MYO5A: variants seen among roughly 807,000 people sequenced by gnomAD.
MYO5A encodes unconventional myosin-Va.
MYO5A carries 98 observed loss-of-function variants against 249.7 expected under a neutral mutation model. That is an observed-to-expected ratio of 0.39 (90% confidence interval 0.33 to 0.46). The LOEUF (loss-of-function observed/expected upper bound fraction) is 0.46, where lower values mean the gene tolerates loss of function less well. Among genes scored for constraint, MYO5A ranks in the 20% least tolerant of loss-of-function variants. The pLI is 0.98. For missense variants in MYO5A, 1,696 were observed against 2,308.8 expected (o/e 0.73, Z 5.44); for synonymous variants, 778 against 810.6 (o/e 0.96, Z 0.68).
intron 39 of MYO5A, among the ~76,000 whole-genome samples, chr15:52,318,504 A>G (rs28564655): frequency 0.048 from 7,339 of 151,486 alleles, 518 homozygotes; most frequent in African/African-American, 0.16. Flanking sequence ...ATGTTACAAT[A>G]ATGAGGTTAT....
At position 52,442,550 on chromosome 15, in the gene MYO5A, C is replaced by T. The variant is rs1462266845; in HGVS notation, c.28-9265G>A. 3.3e-5 allele frequency among the ~76,000 whole-genome samples: 5 copies of T among 152,232 alleles called. No homozygotes were observed. In the East Asian group the frequency reaches 9.7e-4, roughly 29 times the overall value. On this transcript the variant is annotated intron_variant, in intron 1 of 41. Transcript: ENST00000399233. ...GGAACCAGAGCTAACATTTATTGAGCACCTTTTGTGTGCCAGTAGAGGCCC... is the reference window on the plus strand; with the variant it reads ...GGAACCAGAGCTAACATTTATTGAGTACCTTTTGTGTGCCAGTAGAGGCCC...
chr15:52,377,762 G>T (rs1596370482), intron 18 of MYO5A, among the ~76,000 whole-genome samples: 1 of 151,828 alleles, frequency 6.6e-6, no homozygotes, highest in South Asian at 2.1e-4. Context: ...GTGGAGACAG[G>T]GTTTCACCAT....
rs761893576 is a variant in MYO5A at position 52,327,885 on chromosome 15, T to C, written c.4677A>G (p.Thr1559=). Residue 1559 remains threonine, a synonymous_variant, in exon 36 of 42, where the codon ACA becomes ACG. Transcript: ENST00000399233. ...CTTTTTTGATGCTGTTAATTGTTGA[T>C]GTTAGCAACGACCTTACTTTCTGAT... is the stretch of plus-strand genomic sequence containing the variant. The part of the protein sequence containing the change: ...NDDQKVRSLL[T]STINSIKKVL... The C allele has an allele frequency of 6.2e-7, 1 of 1,614,064 alleles. No homozygotes were observed. Among genetic ancestry groups the C allele is most frequent in the South Asian group, 1.1e-5 (1 of 91,086 alleles).
At chr15:52,442,857 G>C (rs2075812659) in intron 1 of MYO5A, among the ~76,000 whole-genome samples, 1 of 151,582 alleles carries the variant, frequency 6.6e-6, no homozygotes, top group Admixed American at 6.6e-5. Context: ...CCAGGTTCGA[G>C]CGATTCTCTT....
At chr15:52,490,600 GAAT>G (rs1438625234) in intron 1 of MYO5A, among the ~76,000 whole-genome samples, 1 of 152,216 alleles carries the variant, frequency 6.6e-6, no homozygotes, top group Admixed American at 6.5e-5. Flanking sequence ...AGAGAAAGTA[GAAT>G]AATGGTTGCC....
chr15:52,406,975 C>T (rs1479811477), intron 8 of MYO5A, among the ~76,000 whole-genome samples: 1 of 152,108 alleles, frequency 6.6e-6, no homozygotes, highest in Non-Finnish European at 1.5e-5. Flanking sequence ...ACAAGTAGCC[C>T]TCCCCTGATG....
chr15:52,347,739 C>G (rs2039714727), intron 29 of MYO5A, among the ~76,000 whole-genome samples: 1 of 152,156 alleles, frequency 6.6e-6, no homozygotes, highest in African/African-American at 2.4e-5. Flanking sequence ...ATGAAATATA[C>G]TAATAAATAG....
At chr15:52,515,066 C>T (rs1393095846) in intron 1 of MYO5A, among the ~76,000 whole-genome samples, 1 of 151,952 alleles carries the variant, frequency 6.6e-6, no homozygotes, top group African/African-American at 2.4e-5. Context: ...TCACTTGAGC[C>T]CAGGAGTTCA....
At chr15:52,396,755 CAT>C (rs2042505851) in intron 10 of MYO5A, among the ~76,000 whole-genome samples, 1 of 151,620 alleles carries the variant, frequency 6.6e-6, no homozygotes, top group Non-Finnish European at 1.5e-5. Flanking sequence ...GTGTTACACA[CAT>C]ATAGGAGGGA....
At chr15:52,482,755 T>C (rs1328503412) in intron 1 of MYO5A, among the ~76,000 whole-genome samples, 2 of 152,118 alleles carry the variant, frequency 1.3e-5, no homozygotes, top group East Asian at 1.9e-4. Context: ...GGTCCATTAG[T>C]AGAGGAGTTG....
At chr15:52,340,435 C>G (rs1392625622) in intron 31 of MYO5A, 41 bp from the exon 32 acceptor site, 22 of 1,585,660 alleles carry the variant, frequency 1.4e-5, no homozygotes, top group Non-Finnish European at 1.9e-5. Flanking sequence ...AGACGACACC[C>G]CGAGTTGCTG....
intron 12 of MYO5A, among the ~76,000 whole-genome samples, chr15:52,391,256 G>A (rs1031647571): frequency 2.6e-5 from 4 of 152,120 alleles, no homozygotes; most frequent in African/African-American, 4.8e-5. Context: ...GGTCAAGAGC[G>A]GTGTACCATT....
chr15:52,316,623 C>A (rs897887314), intron 40 of MYO5A, among the ~76,000 whole-genome samples: 1 of 152,208 alleles, frequency 6.6e-6, no homozygotes, highest in African/African-American at 2.4e-5. Flanking sequence ...AATTAATCAT[C>A]TGTTGAAGTA....
At chr15:52,408,032 A>C (rs1460318989) in intron 7 of MYO5A, 27 bp downstream of exon 7, 2 of 1,405,260 alleles carry the variant, frequency 1.4e-6, no homozygotes, top group South Asian at 2.3e-5. Context: ...CAATACCAGA[A>C]CAATAAATTT....
intron 1 of MYO5A, among the ~76,000 whole-genome samples, chr15:52,454,512 A>C (rs907102931): frequency 2.0e-5 from 3 of 152,124 alleles, no homozygotes; most frequent in Non-Finnish European, 4.4e-5. Context: ...AAACAGGCCT[A>C]ACATTTACAG....
chr15:52,328,584 C>T (rs2038722278), intron 35 of MYO5A, among the ~76,000 whole-genome samples: 1 of 152,210 alleles, frequency 6.6e-6, no homozygotes, highest in African/African-American at 2.4e-5. Context: ...GCAATAGCTC[C>T]CTAACTGGCC....
chr15:52,379,899 C>G lies in MYO5A; in HGVS notation c.2022G>C (p.Glu674Asp). Reference protein sequence around the residue: ...NDFKFPFTFDEKRAVQQLRAC... With the variant: ...NDFKFPFTFDDKRAVQQLRAC... ...CTCTCAGCTGCTGCACTGCCCTCTT[C>G]TCATCAAACCTACAAATAAAAATCA... The change falls in exon 17 of 42, where the codon GAG (glutamate) becomes GAC (aspartate). Residue 674 changes from glutamate to aspartate, a missense_variant. Around this residue, in one of 5 missense-constraint regions of MYO5A, gnomAD observed 277 missense variants for 422.4 expected, o/e 0.66. Transcript: ENST00000399233. 1 of 1,614,000 alleles carries G rather than the reference C, an allele frequency of 6.2e-7. No homozygotes were observed. The highest frequency in any genetic ancestry group is 8.5e-7 in the Non-Finnish European group (1 of 1,179,908).
Position 52,376,558 on chromosome 15 carries a change from C to T in MYO5A, c.2209G>A (p.Asp737Asn). The stretch of plus-strand genomic sequence containing the variant: ...TTACCAAACTGGTATTTGTCCTTGT[C>T]CTATTTTTGGAAGAAATTGTATATT... ...CKNVLEKLIL[D>N]KDKYQFGKTK... The change falls in exon 19 of 42, where the codon GAC becomes AAC. Residue 737 changes from aspartate to asparagine, a missense_variant and splice_region_variant. This residue lies in a region of MYO5A where 277 missense variants were observed against 422.4 expected (regional missense o/e 0.66). Transcript: ENST00000399233. 1 of 1,613,446 alleles carries T rather than the reference C, an allele frequency of 6.2e-7. No homozygotes were observed. Among genetic ancestry groups the T allele is most frequent in the Non-Finnish European group, 8.5e-7 (1 of 1,179,482 alleles).
intron 25 of MYO5A, among the ~76,000 whole-genome samples, chr15:52,356,243 T>G (rs988379652): frequency 6.6e-6 from 1 of 152,164 alleles, no homozygotes; most frequent in South Asian, 2.1e-4. Context: ...ATCTACCCAA[T>G]TGTTTAAAAA....
Sources: gnomAD v4.1 joint callset for allele counts (sites outside exome capture counted in the v4.1 genomes callset) on GRCh38, gnomAD v4.1.1 for gene constraint, gnomAD v4.1.1 regional missense constraint, MANE v1.5 for transcripts, NCBI Gene and HGNC (gene_info 2026-07-23, HGNC 2026-07-21) for gene names.